Variants in VPS13B observed in about 807,000 individuals in gnomAD.
The protein encoded by VPS13B is intermembrane lipid transfer protein VPS13B.
VPS13B carries 285 observed loss-of-function variants against 426.4 expected under a neutral mutation model. The ratio of observed to expected loss-of-function variants is 0.67; its 90% confidence interval spans 0.61 to 0.74. VPS13B has a LOEUF of 0.74. Among genes scored for constraint, VPS13B ranks in the 30% least tolerant of loss-of-function variants. The probability of loss-of-function intolerance (pLI) is 0.00; values close to 1 mark genes in which losing one functional copy is unlikely to be tolerated. For missense variants in VPS13B, 4,537 were observed against 4,782.6 expected, an observed-to-expected ratio of 0.95 and a Z score of 1.51; for synonymous variants, 1,676 against 1,676.4, an observed-to-expected ratio of 1.00 and a Z score of 0.01.
chr8:99,446,428 G>A lies in VPS13B; in HGVS notation c.3445+3793G>A, dbSNP rs1437474486. Among the ~76,000 whole-genome samples, 4 of 151,946 alleles carry A rather than the reference G, an allele frequency of 2.6e-5. 1 individual carries two copies. ...TTCTTTAAGGATCTTCTCAGTCTTT[G>A]TGTTTTAAAGTTTTAATATTCGAAT... is the stretch of plus-strand genomic sequence containing the variant. On this transcript the variant is annotated intron_variant, in intron 23 of 61. Transcript: ENST00000357162.
rs147711240 is a variant in VPS13B, at chr8:99,820,663, G to A, written c.8994+541G>A. On this transcript the variant is annotated intron_variant, in intron 49 of 61. Coordinates refer to ENST00000357162, the MANE Select transcript of VPS13B (RefSeq NM_152564.5). Reference sequence around the variant, plus strand: ...AAACCTAATTGCAAAACAAAATATCGCAGGAAAATTTTATATTTCTGTCAC... The same window carrying A: ...AAACCTAATTGCAAAACAAAATATCACAGGAAAATTTTATATTTCTGTCAC... Among the ~76,000 whole-genome samples, 659 of 152,086 alleles carry A rather than the reference G, an allele frequency of 4.3e-3. 7 individuals are homozygous for A. The highest frequency in any genetic ancestry group is 0.015 in the African/African-American group (633 of 41,510).
intron 17 of VPS13B, among the ~76,000 whole-genome samples, chr8:99,245,135 C>T (rs181206351): frequency 3.2e-4 from 48 of 152,284 alleles, no homozygotes; most frequent in African/African-American, 1.1e-3. Context: ...TTTAAGAACA[C>T]AGTCCTCAGT....
intron 36 of VPS13B, among the ~76,000 whole-genome samples, chr8:99,716,113 T>G (rs1312506367): frequency 6.6e-6 from 1 of 152,150 alleles, no homozygotes; most frequent in African/African-American, 2.4e-5. Flanking sequence ...CCACCATGAT[T>G]ATTTTTAAAC....
intron 36 of VPS13B, among the ~76,000 whole-genome samples, chr8:99,710,128 A>C (rs956987740): frequency 6.6e-6 from 1 of 152,200 alleles, no homozygotes; most frequent in African/African-American, 2.4e-5. Flanking sequence ...AAAAACTACA[A>C]GTACAGAAAA....
In VPS13B at chr8:99,275,034, G is replaced by GGGCTGA. The variant is rs773337660; in HGVS notation, c.2651-47_2651-46insGGCTGA. 307 of 1,470,560 alleles carry GGGCTGA rather than the reference G, an allele frequency of 2.1e-4. 1 individual carries two copies. In the African/African-American group the frequency reaches 4.1e-3, roughly 20 times the overall value. 91.1% of individuals were successfully genotyped at this position (1,470,560 alleles called of 1,614,324 possible). A position where few individuals can be genotyped will look rare whatever the true frequency, so the allele number is the denominator to read the frequency against. ...ATTTTAAAATCAAACATTCTCAAGTGACTCATGTTTTATTTTTATTATTGT... is the reference window on the plus strand; with the variant it reads ...ATTTTAAAATCAAACATTCTCAAGTGGGCTGAACTCATGTTTTATTTTTATTATTGT... On this transcript the variant is annotated intron_variant, in intron 18 of 61. Transcript: ENST00000357162.
chr8:99,835,549 G>A lies in VPS13B; in HGVS notation c.9753G>A (p.Lys3251=). The change falls in exon 54 of 62, where the codon AAG becomes AAA. Residue 3251 remains lysine (K), a synonymous_variant. Transcript: ENST00000357162. The part of the protein sequence containing the change: ...LIKENIKDIP[K]FEVYCKKIPS... ...TTTTTAAAATTTCAGATATTCCAAA[G>A]TTTGAGGTTTATTGCAAAAAAATTC... is the stretch of plus-strand genomic sequence containing the variant. The A allele has an allele frequency of 6.2e-7, 1 of 1,614,060 alleles. No individual in the cohort carries two copies. The highest frequency in any genetic ancestry group is 8.5e-7 in the Non-Finnish European group (1 of 1,179,974).
chr8:99,814,542 T>C (rs1588738611), intron 44 of VPS13B, among the ~76,000 whole-genome samples: 1 of 152,174 alleles, frequency 6.6e-6, no homozygotes, highest in Non-Finnish European at 1.5e-5. Flanking sequence ...TCTCCCTTAT[T>C]ATCAAGGAGT....
intron 21 of VPS13B, among the ~76,000 whole-genome samples, chr8:99,407,636 CT>C (rs76220463): frequency 4.0e-5 from 6 of 149,974 alleles, no homozygotes; most frequent in East Asian, 3.9e-4. Flanking sequence ...ATTTTCTTTT[CT>C]TTTTTTTTGC....
chr8:99,085,807 C>G (rs564405563), intron 3 of VPS13B, among the ~76,000 whole-genome samples: 19 of 152,212 alleles, frequency 1.2e-4, no homozygotes, highest in Non-Finnish European at 2.8e-4. Flanking sequence ...TGATTTCTGC[C>G]GAGAGATCAG....
chr8:99,186,387 A>T (rs1813221832), intron 16 of VPS13B, among the ~76,000 whole-genome samples: 1 of 152,092 alleles, frequency 6.6e-6, no homozygotes, highest in Admixed American at 6.5e-5. Flanking sequence ...AAATAGTTTA[A>T]ATAAAGTTGT....
chr8:99,850,980 G>A (rs1816263637), intron 55 of VPS13B, among the ~76,000 whole-genome samples: 1 of 152,062 alleles, frequency 6.6e-6, no homozygotes, highest in Non-Finnish European at 1.5e-5. Context: ...TCTCATATAT[G>A]GTTAAGAACT....
At chr8:99,339,140 G>C (rs1811091550) in intron 19 of VPS13B, among the ~76,000 whole-genome samples, 1 of 151,980 alleles carries the variant, frequency 6.6e-6, no homozygotes, top group South Asian at 2.1e-4. Flanking sequence ...ATATTGTTTT[G>C]CATGTTTTGA....
chr8:99,283,924 ATCC>A (rs1819291745), intron 19 of VPS13B, among the ~76,000 whole-genome samples: 1 of 152,164 alleles, frequency 6.6e-6, no homozygotes, highest in Non-Finnish European at 1.5e-5. Flanking sequence ...GAATTTTTTT[ATCC>A]TACTAATTTC....
intron 33 of VPS13B, among the ~76,000 whole-genome samples, chr8:99,623,904 G>T (rs1209578968): frequency 1.3e-5 from 2 of 150,548 alleles, no homozygotes; most frequent in Non-Finnish European, 3.0e-5. Flanking sequence ...ATAAGAACAT[G>T]CACTTGTTCT....
intron 43 of VPS13B, among the ~76,000 whole-genome samples, chr8:99,806,042 C>G (rs1813379510): frequency 6.6e-6 from 1 of 152,194 alleles, no homozygotes; most frequent in Admixed American, 6.5e-5. Flanking sequence ...CCCTGTATTT[C>G]TAGCCCACGT....
intron 19 of VPS13B, among the ~76,000 whole-genome samples, chr8:99,373,011 G>T (rs1813278402): frequency 6.6e-6 from 1 of 152,168 alleles, no homozygotes; most frequent in East Asian, 1.9e-4. Flanking sequence ...CATGTCCTTT[G>T]CAGGGATATG....
intron 30 of VPS13B, among the ~76,000 whole-genome samples, chr8:99,547,568 C>T (rs976194744): frequency 1.3e-5 from 2 of 151,928 alleles, no homozygotes; most frequent in Non-Finnish European, 2.9e-5. Flanking sequence ...TGAGCTGTTC[C>T]TTATGTAAAC....
chr8:99,809,042 G>C (rs1427595591), intron 43 of VPS13B, among the ~76,000 whole-genome samples: 1 of 151,834 alleles, frequency 6.6e-6, no homozygotes, highest in South Asian at 2.1e-4. Context: ...CCAATACCAA[G>C]GTTCTTTGAT....
intron 3 of VPS13B, among the ~76,000 whole-genome samples, chr8:99,070,254 G>A (rs1844783789): frequency 6.6e-6 from 1 of 152,122 alleles, no homozygotes; most frequent in African/African-American, 2.4e-5. Flanking sequence ...CTTAAAATAT[G>A]TGATCTGTTA....
Sources: gnomAD v4.1 joint callset for allele counts (sites outside exome capture counted in the v4.1 genomes callset) on GRCh38, gnomAD v4.1.1 for gene constraint, MANE v1.5 for transcripts, NCBI Gene and HGNC (gene_info 2026-07-23, HGNC 2026-07-21) for gene names.